The following CDH18 variants were observed in gnomAD, a reference collection of about 807,000 sequenced individuals.
CDH18 encodes cadherin 18.
Under a neutral mutation model 67.9 loss-of-function variants are expected in CDH18, and 31 were observed. The ratio of observed to expected loss-of-function variants is 0.46; its 90% CI spans 0.34 to 0.62. The LOEUF is 0.62. CDH18 is among the 20% of genes least tolerant of loss of function. The probability of loss-of-function intolerance (pLI) is 0.01; values close to 1 mark genes in which losing one functional copy is unlikely to be tolerated. For missense variants in CDH18, 890 were observed against 975.5 expected (o/e 0.91, Z 1.17); for synonymous variants, 362 against 347.2 (o/e 1.04, Z -0.48).
chr5:19,658,702 G>T (rs1756746507), intron 5 of CDH18, among the ~76,000 whole-genome samples: 1 of 150,280 alleles, frequency 6.7e-6, no homozygotes, highest in African/African-American at 2.5e-5. Flanking sequence ...TGCACAACTT[G>T]CAGGTTTGTT....
chr5:20,067,570 C>T (rs1743088342), intron 2 of CDH18, among the ~76,000 whole-genome samples: 1 of 151,970 alleles, frequency 6.6e-6, no homozygotes, highest in Non-Finnish European at 1.5e-5. Context: ...AATAAAGTTG[C>T]TAATGTATTA....
At chr5:20,100,730 A>G (rs1396023523) in intron 2 of CDH18, among the ~76,000 whole-genome samples, 1 of 152,064 alleles carries the variant, frequency 6.6e-6, no homozygotes, top group Non-Finnish European at 1.5e-5. Context: ...AACATATCTA[A>G]TATCTCAATA....
chr5:20,396,870 G>A (rs1745324191), intron 1 of CDH18, among the ~76,000 whole-genome samples: 1 of 152,052 alleles, frequency 6.6e-6, no homozygotes, highest in African/African-American at 2.4e-5. Context: ...CTGCTAGTAA[G>A]TTTCCAAATA....
chr5:19,801,599 T>A (rs557778572), intron 3 of CDH18, among the ~76,000 whole-genome samples: 1 of 152,202 alleles, frequency 6.6e-6, no homozygotes, highest in South Asian at 2.1e-4. Context: ...CAAACAAGGT[T>A]GAAAACAACA....
chr5:19,858,388 C>T (rs371361089), intron 2 of CDH18, among the ~76,000 whole-genome samples: 6 of 152,238 alleles, frequency 3.9e-5, no homozygotes, highest in African/African-American at 1.2e-4. Flanking sequence ...AGGAAAAAGA[C>T]CTGCAAAGGG....
At chr5:20,215,492 G>A (rs1740696926) in intron 2 of CDH18, among the ~76,000 whole-genome samples, 2 of 151,686 alleles carry the variant, frequency 1.3e-5, no homozygotes, top group South Asian at 4.2e-4. Context: ...TGCTGACAAG[G>A]TTGCAGGGAA....
chr5:20,284,949 C>A, intron 1 of CDH18, among the ~76,000 whole-genome samples: 1 of 151,744 alleles, frequency 6.6e-6, no homozygotes. Context: ...ACTTGAAAAA[C>A]TCTTACATAG....
intron 1 of CDH18, among the ~76,000 whole-genome samples, chr5:20,353,095 A>G (rs1741341026): frequency 6.6e-6 from 1 of 152,162 alleles, no homozygotes; most frequent in African/African-American, 2.4e-5. Flanking sequence ...GTTATATACA[A>G]CAGTACTGTG....
At chr5:20,007,847 C>T (rs777014018) in intron 2 of CDH18, among the ~76,000 whole-genome samples, 24 of 152,154 alleles carry the variant, frequency 1.6e-4, no homozygotes, top group Non-Finnish European at 3.2e-4. Flanking sequence ...ATTCAAATTT[C>T]AGTGTCCATA....
chr5:20,068,469 G>T (rs985174202), intron 2 of CDH18, among the ~76,000 whole-genome samples: 3 of 151,948 alleles, frequency 2.0e-5, no homozygotes, highest in African/African-American at 7.3e-5. Context: ...GTGAACATAG[G>T]GTATATGGGA....
intron 6 of CDH18, among the ~76,000 whole-genome samples, chr5:19,608,548 T>C (rs778569732): frequency 5.1e-4 from 78 of 151,910 alleles, no homozygotes; most frequent in Non-Finnish European, 9.9e-4. Context: ...AGCAATATTT[T>C]CTTTCTCATT....
intron 1 of CDH18, among the ~76,000 whole-genome samples, chr5:20,534,802 A>T (rs1307981795): frequency 6.6e-6 from 1 of 150,700 alleles, no homozygotes; most frequent in African/African-American, 2.4e-5. Context: ...CTGACTTCTG[A>T]ACTCTGTTAG....
At chr5:20,262,297 A>G (rs1186004864) in intron 1 of CDH18, among the ~76,000 whole-genome samples, 2 of 152,214 alleles carry the variant, frequency 1.3e-5, no homozygotes, top group African/African-American at 4.8e-5. Flanking sequence ...ATAATTTAGT[A>G]GCCCTGGCTT....
intron 2 of CDH18, among the ~76,000 whole-genome samples, chr5:20,149,008 T>C (rs1750885778): frequency 3.9e-5 from 6 of 152,096 alleles, no homozygotes; most frequent in Admixed American, 3.9e-4. Context: ...ATAAATCTAG[T>C]TGCTATTTGG....
intron 2 of CDH18, among the ~76,000 whole-genome samples, chr5:19,958,779 G>A (rs1796516366): frequency 6.6e-6 from 1 of 151,950 alleles, no homozygotes; most frequent in Admixed American, 6.6e-5. Context: ...AACGAGACAT[G>A]AGAACATGTG....
intron 4 of CDH18, among the ~76,000 whole-genome samples, chr5:19,722,050 T>C (rs1184316043): frequency 1.3e-5 from 2 of 152,112 alleles, no homozygotes; most frequent in African/African-American, 2.4e-5. Flanking sequence ...CATTTGTTTT[T>C]GTTTGTTTGT....
Position 20,067,368 on chromosome 5 carries a change from T to C in CDH18, c.-517-75354A>G, listed in dbSNP as rs915728281. 2.6e-5 allele frequency among the ~76,000 whole-genome samples: 4 copies of C among 151,628 alleles called. No homozygotes were observed. The East Asian group carries it at 7.8e-4, about 29-fold the overall frequency. On this transcript the variant is annotated intron_variant, in intron 2 of 14. Coordinates refer to the CDH18 transcript ENST00000507958. ...GTTTATTTTAGACTTCCTCTGATTA[T>C]TTGGTCTTTTGCTGTATGCGCTCAT...
chr5:20,317,499 C>CT (rs1343069366), intron 1 of CDH18, among the ~76,000 whole-genome samples: 1 of 152,056 alleles, frequency 6.6e-6, no homozygotes, highest in Admixed American at 6.6e-5. Context: ...ACATGTTATA[C>CT]TTTCAGTAGT....
intron 2 of CDH18, among the ~76,000 whole-genome samples, chr5:19,964,157 A>G (rs1055689603): frequency 1.1e-4 from 17 of 152,190 alleles, no homozygotes; most frequent in African/African-American, 4.1e-4. Context: ...TTTGATTTAA[A>G]AATTTGAAAA....
Sources: allele counts gnomAD v4.1 joint callset (sites outside exome capture counted in the v4.1 genomes callset), GRCh38; gene constraint gnomAD v4.1.1; transcripts MANE v1.5; gene names NCBI Gene and HGNC (gene_info 2026-07-23, HGNC 2026-07-21).